RAG2: variants seen among roughly 807,000 people sequenced by gnomAD.
RAG2 encodes the protein V(D)J recombination-activating protein 2.
A neutral mutation model predicts 31.8 loss-of-function variants in RAG2; 16 were observed. That is an observed-to-expected ratio of 0.50 (90% CI 0.34 to 0.76). The LOEUF (loss-of-function observed/expected upper bound fraction) is 0.76, where lower values mean the gene tolerates loss of function less well. RAG2 is among the 30% of genes least tolerant of loss of function. The pLI is 0.01. For missense variants in RAG2, 622 were observed against 628.5 expected (o/e 0.99, Z 0.11); for synonymous variants, 199 against 215.9 (o/e 0.92, Z 0.68).
chr11:36,595,630 G>A (rs1851191432), intron 1 of RAG2, among the ~76,000 whole-genome samples: 1 of 152,204 alleles, frequency 6.6e-6, no homozygotes, highest in Non-Finnish European at 1.5e-5. Flanking sequence ...TAACCTCTGT[G>A]TGCCTCAGTT....
chr11:36,594,419 T>C, intron 1 of RAG2: 2 of 537,464 alleles, frequency 3.7e-6, no homozygotes, highest in East Asian at 3.2e-5. Context: ...ATATGCTCCC[T>C]AGGATTTCTG....
In RAG2 at chr11:36,592,645, T is replaced by A; in HGVS notation, c.1524A>T (p.Lys508Asn). ...KKPPMKSLRK[K>N]GSGKILTPAK... ...CAGGAGTCAAGATTTTTCCAGAACC[T>A]TTTTTACGGAGGGATTTCATTGGAG... The change falls in exon 2 of 2, where the codon AAA (lysine) becomes AAT (asparagine). Residue 508 changes from lysine (K) to asparagine (N), a missense_variant. Physicochemically the swap from Lys to Asn is moderately conservative, Grantham distance 94. Coordinates refer to ENST00000311485, the MANE Select transcript of RAG2 (RefSeq NM_000536.4). The A allele has an allele frequency of 6.2e-7, 1 of 1,614,106 alleles. No homozygotes were observed. Among genetic ancestry groups the A allele is most frequent in the Non-Finnish European group, 8.5e-7 (1 of 1,179,958 alleles).
chr11:36,593,798 C>T lies in RAG2; in HGVS notation c.371G>A (p.Cys124Tyr). The T allele has an allele frequency of 6.2e-7, 1 of 1,614,194 alleles. No individual in the cohort carries two copies. The highest frequency in any genetic ancestry group is 8.5e-7 in the Non-Finnish European group (1 of 1,180,022). The change falls in exon 2 of 2, where the codon TGC becomes TAC. Residue 124 changes from cysteine to tyrosine, a missense_variant. Physicochemically the swap from Cys to Tyr is radical, Grantham distance 194. Coordinates refer to ENST00000311485, the MANE Select transcript of RAG2 (RefSeq NM_000536.4). ...ATCTCCTACCAAGTCTTTCTCTGTGCAGCGAAAAGTAACCTTTTTGTTGTT... is the reference window on the plus strand; with the variant it reads ...ATCTCCTACCAAGTCTTTCTCTGTGTAGCGAAAAGTAACCTTTTTGTTGTT... ...CKNNKKVTFR[C>Y]TEKDLVGDVP...
rs1851067461 is a variant in RAG2 at position 36,593,203 on chromosome 11, C to G, written c.966G>C (p.Met322Ile). ...KHSKIWFGSNMGNGTVFLGIP... is the reference protein window; with the variant it reads ...KHSKIWFGSNIGNGTVFLGIP... ...TGCCAAGAAAAACAGTTCCATTTCC[C>G]ATGTTGCTTCCAAACCATATCTTGC... Residue 322 changes from methionine (M) to isoleucine (I), a missense_variant, in exon 2 of 2, where the codon ATG (methionine) becomes ATC (isoleucine). By Grantham distance (10) the Met-to-Ile change is conservative. Coordinates refer to ENST00000311485, the MANE Select transcript of RAG2 (RefSeq NM_000536.4). 6.2e-7 allele frequency: 1 copy of G among 1,614,070 alleles called. No homozygotes were observed. Among genetic ancestry groups the G allele is most frequent in the African/African-American group, 1.3e-5 (1 of 74,920 alleles).
rs1490516072 is a variant in RAG2, at chr11:36,593,163, T to C, written c.1006A>G (p.Lys336Glu). ...TVFLGIPGDN[K>E]QVVSEGFYFY... The stretch of plus-strand genomic sequence containing the variant: ...TAGAATCCTTCTGAAACAACTTGTT[T>C]ATTGTCTCCTGGTATGCCAAGAAAA... The change falls in exon 2 of 2, where the codon AAA (lysine) becomes GAA (glutamate). Residue 336 changes from lysine (K) to glutamate (E), a missense_variant. Transcript: ENST00000311485. 7.4e-6 allele frequency: 12 copies of C among 1,614,092 alleles called. No individual in the cohort carries two copies. Among genetic ancestry groups the C allele is most frequent in the Non-Finnish European group, 1.0e-5 (12 of 1,180,050 alleles).
intron 1 of RAG2, 135 bp from the exon 2 acceptor site, chr11:36,594,330 GGAGTTAGGTCAGTAAA>G (rs1851116966): frequency 3.0e-6 from 2 of 673,112 alleles, no homozygotes. Context: ...GAAAATCCAA[GGAGTTAGGTCAGTAAA>G]GAGCCACAGA....
chr11:36,596,312 T>G (rs1249331613), intron 1 of RAG2, among the ~76,000 whole-genome samples: 1 of 150,796 alleles, frequency 6.6e-6, no homozygotes, highest in East Asian at 2.0e-4. Flanking sequence ...TTCAGTCTAC[T>G]TGGGAGACTC....
At chr11:36,591,526 G>A (rs1420867863), downstream of RAG2, among the ~76,000 whole-genome samples, 4 of 151,608 alleles carry the variant, frequency 2.6e-5, no homozygotes, top group East Asian at 3.9e-4. Flanking sequence ...TCATCCTAGC[G>A]AGTGTCTAAT....
Position 36,592,914 on chromosome 11 carries a change from A to G in RAG2, c.1255T>C (p.Cys419Arg). Residue 419 changes from cysteine to arginine, a missense_variant, in exon 2 of 2, where the codon TGC (cysteine) becomes CGC (arginine). Physicochemically the swap from Cys to Arg is radical, Grantham distance 180. Transcript: ENST00000311485. ...ATATCCACATCACAAGTAGGGCAGC[A>G]TGTAATCCAGTAGCCTGTCTCAGAC... ...DESETGYWIT[C>R]CPTCDVDINT... 1 of 1,614,198 alleles carries G rather than the reference A, an allele frequency of 6.2e-7. No homozygotes were observed. The highest frequency in any genetic ancestry group is 8.5e-7 in the Non-Finnish European group (1 of 1,180,038).
chr11:36,597,100 A>G (rs10219403), intron 1 of RAG2, among the ~76,000 whole-genome samples: 3,422 of 152,308 alleles, frequency 0.022, 127 homozygotes, highest in African/African-American at 0.077. Flanking sequence ...GTGAGTAATT[A>G]ATTTTTAGAT....
intron 1 of RAG2, 113 bp from the exon 2 acceptor site, chr11:36,594,308 G>A (rs1564997977): frequency 4.1e-6 from 3 of 730,276 alleles, no homozygotes; most frequent in Non-Finnish European, 2.4e-6. Context: ...GCTTGCAGTG[G>A]GACTGAATGA....
chr11:36,593,200 TC>T lies in RAG2; in HGVS notation c.968del (p.Gly323GlufsTer26). Reference protein sequence around the residue: ...HSKIWFGSNMGNGTVFLGIPG... With the variant: ...HSKIWFGSNMXNGTVFLGIPG... ...GTATGCCAAGAAAAACAGTTCCATTTCCCATGTTGCTTCCAAACCATATCTT... is the reference window on the plus strand; with the variant it reads ...GTATGCCAAGAAAAACAGTTCCATTTCCATGTTGCTTCCAAACCATATCTT... On this transcript the variant is annotated frameshift_variant, in exon 2 of 2. Coordinates refer to ENST00000311485, the MANE Select transcript of RAG2 (RefSeq NM_000536.4). LOFTEE classifies it high-confidence loss of function. 6.2e-7 allele frequency: 1 copy of T among 1,614,222 alleles called. No individual in the cohort carries two copies. The highest frequency in any genetic ancestry group is 8.5e-7 in the Non-Finnish European group (1 of 1,180,042).
chr11:36,596,222 GT>G (rs67282079), intron 1 of RAG2, among the ~76,000 whole-genome samples: 87 of 118,304 alleles, frequency 7.4e-4, no homozygotes, highest in Non-Finnish European at 1.0e-3. Context: ...TTTTTTTTTT[GT>G]TTTTTTTTTT....
chr11:36,593,979 T>C lies in RAG2; in HGVS notation c.190A>G (p.Lys64Glu), dbSNP rs535374501. Residue 64 changes from lysine (K) to glutamate (E), a missense_variant, in exon 2 of 2, where the codon AAG becomes GAG. Physicochemically the swap from Lys to Glu is moderately conservative, Grantham distance 56 (BLOSUM62 1). Coordinates refer to ENST00000311485, the MANE Select transcript of RAG2 (RefSeq NM_000536.4). ...AGAGGAGGGAGGTAGCAGGAATCCT[T>C]AGAGAAAATTGTAGGCTTCAGTTTG... ...HVKLKPTIFS[K>E]DSCYLPPLRY... 6.2e-7 allele frequency: 1 copy of C among 1,614,166 alleles called. No homozygotes were observed. The highest frequency in any genetic ancestry group is 1.3e-5 in the African/African-American group (1 of 75,044).
At chr11:36,595,825 T>C (rs1435292682) in intron 1 of RAG2, among the ~76,000 whole-genome samples, 1 of 152,184 alleles carries the variant, frequency 6.6e-6, no homozygotes, top group Non-Finnish European at 1.5e-5. Flanking sequence ...GTAATGGCAG[T>C]TGATAAGGTT....
intron 1 of RAG2, chr11:36,597,755 T>G (rs1851331930): frequency 6.6e-6 from 1 of 152,320 alleles, no homozygotes; most frequent in East Asian, 1.9e-4. Flanking sequence ...GCATTTAATG[T>G]GTGAATAACA....
chr11:36,596,272 ACTG>A (rs1303954776), intron 1 of RAG2, among the ~76,000 whole-genome samples: 12 of 111,910 alleles, frequency 1.1e-4, no homozygotes, highest in Non-Finnish European at 1.7e-4. Context: ...GCTGTAATTT[ACTG>A]CTAAATAATC....
At position 36,594,103 on chromosome 11, in the gene RAG2, C is replaced by A. The variant is rs1851106233; in HGVS notation, c.66G>T (p.Met22Ile). ...AGAAGAAAACTTGTCCATCAAAATT[C>A]ATCAGTGAGAAGCCTGGCTGAATTA... ...IALIQPGFSL[M>I]NFDGQVFFFG... is the part of the protein sequence containing the mutation. The change falls in exon 2 of 2, where the codon ATG (methionine) becomes ATT (isoleucine). Residue 22 changes from methionine (M) to isoleucine (I), a missense_variant. Transcript: ENST00000311485. 1 of 1,613,968 alleles carries A rather than the reference C, an allele frequency of 6.2e-7. No individual in the cohort carries two copies. Among genetic ancestry groups the A allele is most frequent in the Non-Finnish European group, 8.5e-7 (1 of 1,180,028 alleles).
intron 1 of RAG2, chr11:36,594,959 G>T (rs1316940394): frequency 6.6e-6 from 1 of 152,264 alleles, no homozygotes; most frequent in East Asian, 1.9e-4. Flanking sequence ...GGTTACAAAA[G>T]CCGTGACTGT....
Sources: allele counts gnomAD v4.1 joint callset (sites outside exome capture counted in the v4.1 genomes callset), GRCh38; gene constraint gnomAD v4.1.1; transcripts MANE v1.5; gene names NCBI Gene and HGNC (gene_info 2026-07-23, HGNC 2026-07-21).